Variants in RNLS observed in about 807,000 individuals in gnomAD.
RNLS encodes the protein renalase.
RNLS carries 39 observed loss-of-function variants against 39.8 expected under a neutral mutation model. That is an observed-to-expected ratio of 0.98 (90% CI 0.76 to 1.28). The LOEUF is 1.28. RNLS is among the 50% of genes most tolerant of loss of function. The probability of loss-of-function intolerance (pLI) is 0.00; values close to 1 mark genes in which losing one functional copy is unlikely to be tolerated. For synonymous variants in RNLS, 147 were observed against 150.7 expected (o/e 0.98, Z 0.18); for missense variants, 410 against 413.3 (o/e 0.99, Z 0.07).
intron 4 of RNLS, among the ~76,000 whole-genome samples, chr10:88,411,015 C>T (rs1853624594): frequency 1.3e-5 from 2 of 152,102 alleles, no homozygotes; most frequent in Admixed American, 1.3e-4. Flanking sequence ...CATGGCTAGG[C>T]TCAGAGTTCC....
chr10:88,513,947 A>T (rs368631261), intron 4 of RNLS, among the ~76,000 whole-genome samples: 59 of 151,774 alleles, frequency 3.9e-4, no homozygotes, highest in African/African-American at 1.3e-3. Context: ...GAAGTTCAAC[A>T]TTTTTTTTCA....
chr10:88,579,693 C>T (rs1850422784), intron 3 of RNLS, among the ~76,000 whole-genome samples: 1 of 152,168 alleles, frequency 6.6e-6, no homozygotes, highest in Non-Finnish European at 1.5e-5. Context: ...GATATGGCCA[C>T]ACTATATGAA....
chr10:88,415,498 G>C (rs1364574655), intron 4 of RNLS, among the ~76,000 whole-genome samples: 1 of 151,930 alleles, frequency 6.6e-6, no homozygotes, highest in Admixed American at 6.6e-5. Context: ...TCAACAAACT[G>C]GTCAATATAG....
At chr10:88,465,805 G>T (rs917129872) in intron 4 of RNLS, among the ~76,000 whole-genome samples, 4 of 151,950 alleles carry the variant, frequency 2.6e-5, no homozygotes, top group African/African-American at 7.2e-5. Flanking sequence ...TATATTATTT[G>T]CTTGTCAAAG....
At chr10:88,379,328 C>G (rs1161767044) in intron 4 of RNLS, among the ~76,000 whole-genome samples, 1 of 152,102 alleles carries the variant, frequency 6.6e-6, no homozygotes, top group Non-Finnish European at 1.5e-5. Context: ...TTTTCACATT[C>G]TAGTAAAATG....
intron 4 of RNLS, among the ~76,000 whole-genome samples, chr10:88,500,024 G>T (rs1845387230): frequency 1.3e-5 from 2 of 152,148 alleles, no homozygotes; most frequent in South Asian, 2.1e-4. Flanking sequence ...ATGTATGATT[G>T]TAAGTAGCCT....
chr10:88,231,113 C>T, the RNLS span, among the ~76,000 whole-genome samples: 1 of 152,126 alleles, frequency 6.6e-6, no homozygotes, highest in Non-Finnish European at 1.5e-5. Flanking sequence ...TAGGGCTGAG[C>T]TTCATCCCCT....
At chr10:88,572,761 A>C in intron 4 of RNLS, 142 bp downstream of exon 4, 171 of 752,244 alleles carry the variant, frequency 2.3e-4, no homozygotes, top group Middle Eastern at 3.8e-4. Context: ...TATCATGACG[A>C]CGGCCGTAAG....
chr10:88,486,781 A>G (rs1368314993), intron 4 of RNLS, among the ~76,000 whole-genome samples: 1 of 152,152 alleles, frequency 6.6e-6, no homozygotes, highest in African/African-American at 2.4e-5. Flanking sequence ...AATTAGTTCA[A>G]CCATTGTAGA....
At chr10:88,318,271 G>A (rs1042352628) in intron 5 of RNLS, among the ~76,000 whole-genome samples, 10 of 152,228 alleles carry the variant, frequency 6.6e-5, no homozygotes, top group African/African-American at 2.4e-4. Flanking sequence ...CTCACCCTTG[G>A]TGGGCTGCCC....
intron 5 of RNLS, among the ~76,000 whole-genome samples, chr10:88,353,239 C>T (rs966612799): frequency 2.0e-5 from 3 of 152,052 alleles, no homozygotes; most frequent in Non-Finnish European, 2.9e-5. Context: ...TAGTTATTTC[C>T]TGCCTTCTGC....
At chr10:88,566,019 T>TTACAGGCA (rs1223098792) in intron 4 of RNLS, among the ~76,000 whole-genome samples, 1 of 151,952 alleles carries the variant, frequency 6.6e-6, no homozygotes, top group Non-Finnish European at 1.5e-5. Context: ...AGTGTTGGGA[T>TTACAGGCA]TACAGGCAGA....
chr10:88,244,726 G>T, the RNLS span, among the ~76,000 whole-genome samples: 8 of 151,398 alleles, frequency 5.3e-5, no homozygotes, highest in African/African-American at 1.9e-4. Context: ...TTAAAAGAAG[G>T]ACACACTGTG....
chr10:88,278,906 A>T (rs1463856524), intron 6 of RNLS, among the ~76,000 whole-genome samples: 2 of 152,236 alleles, frequency 1.3e-5, no homozygotes, highest in Non-Finnish European at 2.9e-5. Context: ...AGAATAAAAA[A>T]AGTTAATTAG....
At chr10:88,438,647 C>T (rs1002045899) in intron 4 of RNLS, among the ~76,000 whole-genome samples, 8 of 152,146 alleles carry the variant, frequency 5.3e-5, no homozygotes, top group African/African-American at 1.9e-4. Context: ...GGTGGGTGAT[C>T]TGAGTTTGGG....
intron 4 of RNLS, among the ~76,000 whole-genome samples, chr10:88,395,236 GA>G (rs35753713): frequency 0.67 from 90,502 of 134,520 alleles, 29,980 homozygotes; most frequent in African/African-American, 0.79. Flanking sequence ...TTTAAAAGAT[GA>G]AAAAAAAAAA....
chr10:88,470,776 C>T (rs536773278), intron 4 of RNLS, among the ~76,000 whole-genome samples: 10 of 151,958 alleles, frequency 6.6e-5, no homozygotes, highest in African/African-American at 1.7e-4. Context: ...CTACCATGCC[C>T]GGCTAATTTT....
intron 4 of RNLS, among the ~76,000 whole-genome samples, chr10:88,403,210 A>G (rs1429808334): frequency 6.6e-6 from 1 of 152,108 alleles, no homozygotes; most frequent in Non-Finnish European, 1.5e-5. Context: ...TTTAAGAGAC[A>G]TATCAGTTAA....
intron 4 of RNLS, among the ~76,000 whole-genome samples, chr10:88,401,752 C>T (rs1015204759): frequency 1.3e-5 from 2 of 151,948 alleles, no homozygotes; most frequent in Non-Finnish European, 2.9e-5. Context: ...ATAGCAAAAT[C>T]AAAGGCCCGC....
Sources: allele counts gnomAD v4.1 joint callset (sites outside exome capture counted in the v4.1 genomes callset), GRCh38; gene constraint gnomAD v4.1.1; transcripts MANE v1.5; gene names NCBI Gene and HGNC (gene_info 2026-07-23, HGNC 2026-07-21).